Variants in EDEM2 observed in about 807,000 individuals in gnomAD.
EDEM2 encodes the protein ER degradation-enhancing alpha-mannosidase-like protein 2.
EDEM2 carries 39 observed loss-of-function variants against 64.8 expected under a neutral mutation model. That is an observed-to-expected ratio of 0.60 (90% CI 0.47 to 0.79). The LOEUF is 0.79. Among genes scored for constraint, EDEM2 ranks in the 30% least tolerant of loss-of-function variants. The probability of loss-of-function intolerance (pLI) is 0.00; values close to 1 mark genes in which losing one functional copy is unlikely to be tolerated. For synonymous variants in EDEM2, 296 were observed against 291.5 expected (o/e 1.02, Z -0.16); for missense variants, 609 against 731.3 (o/e 0.83, Z 1.93).
At chr20:35,130,827 G>A (rs1165236381) in intron 7 of EDEM2, among the ~76,000 whole-genome samples, 7 of 152,154 alleles carry the variant, frequency 4.6e-5, no homozygotes, top group South Asian at 2.1e-4. Context: ...AGGGCCTGGC[G>A]GGTAAGATGT....
At position 35,126,354 on chromosome 20, in the gene EDEM2, T is replaced by C. The variant is rs1412316973; in HGVS notation, c.866A>G (p.Asn289Ser). The part of the protein sequence containing the change: ...MFLEYNKAIR[N>S]YTRFDDWYLW... ...GTACCAGTCATCGAAGCGGGTGTAG[T>C]TCCGGATGGCTTTGTTATACTCTGC... The change falls in exon 8 of 11, where the codon AAC (asparagine) becomes AGC (serine). Residue 289 changes from asparagine (N) to serine (S), a missense_variant. By Grantham distance (46) the Asn-to-Ser change is conservative. Transcript: ENST00000374492. 1.9e-6 allele frequency: 3 copies of C among 1,613,640 alleles called. No individual in the cohort carries two copies. Among genetic ancestry groups the C allele is most frequent in the Non-Finnish European group, 2.5e-6 (3 of 1,179,948 alleles).
intron 4 of EDEM2, among the ~76,000 whole-genome samples, chr20:35,138,384 T>C (rs1162407155): frequency 6.6e-6 from 1 of 152,092 alleles, no homozygotes; most frequent in East Asian, 1.9e-4. Context: ...TTCCATGAGA[T>C]AAAGTGACTT....
intron 6 of EDEM2, among the ~76,000 whole-genome samples, chr20:35,132,888 T>G (rs556274997): frequency 6.6e-6 from 1 of 152,240 alleles, no homozygotes; most frequent in South Asian, 2.1e-4. Context: ...GCTGGTAACT[T>G]CATCTGGTAC....
chr20:35,146,863 CA>C lies in EDEM2; in HGVS notation c.179del (p.Leu60ArgfsTer17). On this transcript the variant is annotated frameshift_variant, in exon 2 of 11. Transcript: ENST00000374492. LOFTEE classifies it high-confidence loss of function. Reference sequence around the variant, plus strand: ...CGTGCCCGTCACAGGTGAGAGGTCGCAGCTCATCGAAGGGAAAGGCATTCTC... The same window carrying C: ...CGTGCCCGTCACAGGTGAGAGGTCGCGCTCATCGAAGGGAAAGGCATTCTC... ...YLENAFPFDE[L>X]RPLTCDGHDT... 6.2e-7 allele frequency: 1 copy of C among 1,614,158 alleles called. No individual in the cohort carries two copies.
At chr20:35,130,184 T>C (rs6060255) in intron 7 of EDEM2, among the ~76,000 whole-genome samples, 121,568 of 152,016 alleles carry the variant, frequency 0.8, 49,161 homozygotes, top group African/African-American at 0.9. Flanking sequence ...TCCTTCACCT[T>C]GGCCTCCCAA....
At chr20:35,145,768 G>C (rs1223441116) in intron 2 of EDEM2, among the ~76,000 whole-genome samples, 10 of 152,116 alleles carry the variant, frequency 6.6e-5, no homozygotes, top group Admixed American at 5.9e-4. Context: ...CCAGCACTTT[G>C]GGAGGCCTAG....
chr20:35,146,183 A>G (rs1184287598), intron 2 of EDEM2, among the ~76,000 whole-genome samples: 1 of 152,124 alleles, frequency 6.6e-6, no homozygotes, highest in African/African-American at 2.4e-5. Context: ...GGAGATATTT[A>G]TTGTATATAA....
At chr20:35,141,484 T>C (rs867257670) in intron 4 of EDEM2, among the ~76,000 whole-genome samples, 60 of 152,330 alleles carry the variant, frequency 3.9e-4, no homozygotes, top group Admixed American at 9.8e-4. Flanking sequence ...CAGGCCGGAT[T>C]CCTAAACCAG....
At chr20:35,116,698 C>T (rs754917356) in intron 10 of EDEM2, among the ~76,000 whole-genome samples, 11 of 152,160 alleles carry the variant, frequency 7.2e-5, no homozygotes, top group Non-Finnish European at 1.2e-4. Flanking sequence ...TAGAGCTAAT[C>T]GTCCCTTTTA....
chr20:35,119,544 G>GATTA (rs1321644477), intron 9 of EDEM2, among the ~76,000 whole-genome samples: 2 of 152,138 alleles, frequency 1.3e-5, no homozygotes, highest in African/African-American at 4.8e-5. Context: ...AGTGAGCCAT[G>GATTA]ATTAAGCCAC....
At chr20:35,126,967 T>C (rs1206730485) in intron 7 of EDEM2, among the ~76,000 whole-genome samples, 1 of 152,126 alleles carries the variant, frequency 6.6e-6, no homozygotes, top group Non-Finnish European at 1.5e-5. Flanking sequence ...CCCACCTAAA[T>C]CTCACCTTGA....
intron 9 of EDEM2, among the ~76,000 whole-genome samples, chr20:35,121,677 A>G (rs2085370901): frequency 6.6e-6 from 1 of 152,222 alleles, no homozygotes. Flanking sequence ...GACATATACG[A>G]AAGTACAGGG....
chr20:35,115,688 C>T lies in EDEM2; in HGVS notation c.1482G>A (p.Glu494=), dbSNP rs1198732570. The part of the protein sequence containing the change: ...ALHCCQRLKE[E]QWEVEDLMRE... ...TCATCAAGTCCTCCACCTCCCACTGCTCTTCCTTCAGCCTCTGGCAGCAGT... is the reference window on the plus strand; with the variant it reads ...TCATCAAGTCCTCCACCTCCCACTGTTCTTCCTTCAGCCTCTGGCAGCAGT... Residue 494 remains glutamate (E), a synonymous_variant, in exon 11 of 11, where the codon GAG becomes GAA. Coordinates refer to ENST00000374492, the MANE Select transcript of EDEM2 (RefSeq NM_018217.3). 1.2e-6 allele frequency: 2 copies of T among 1,614,234 alleles called. No individual in the cohort carries two copies. Among genetic ancestry groups the T allele is most frequent in the East Asian group, 4.5e-5 (2 of 44,890 alleles).
chr20:35,117,887 C>T (rs1190039648), intron 10 of EDEM2, among the ~76,000 whole-genome samples: 1 of 152,124 alleles, frequency 6.6e-6, no homozygotes, highest in East Asian at 1.9e-4. Context: ...CACTGCTCTG[C>T]TGTAAATCCT....
intron 9 of EDEM2, among the ~76,000 whole-genome samples, chr20:35,122,597 C>A (rs960748984): frequency 3.3e-5 from 5 of 152,148 alleles, no homozygotes; most frequent in African/African-American, 1.2e-4. Context: ...TGGTCTCAAA[C>A]TCCTGACTTC....
rs771325837 is a variant in EDEM2 at position 35,134,878 on chromosome 20, G to A, written c.562C>T (p.Pro188Ser). 3.5e-5 allele frequency: 56 copies of A among 1,614,072 alleles called. No individual in the cohort carries two copies. The highest frequency in any genetic ancestry group is 4.3e-5 in the Non-Finnish European group (51 of 1,180,048). The change falls in exon 6 of 11, where the codon CCT (proline) becomes TCT (serine). Residue 188 changes from proline to serine, a missense_variant. Pro to Ser is a moderately conservative substitution (Grantham distance 74, BLOSUM62 -1). Coordinates refer to ENST00000374492, the MANE Select transcript of EDEM2 (RefSeq NM_018217.3). Reference protein sequence around the residue: ...LLHGVNPGETPVTCTAGIGTF... With the variant: ...LLHGVNPGETSVTCTAGIGTF... ...CCAATCCCTGCCGTACAGGTGACAG[G>A]GGTCTCTCCTGGGTTCACGCCATGA...
chr20:35,135,414 G>A (rs1443602148), intron 5 of EDEM2, among the ~76,000 whole-genome samples: 1 of 152,164 alleles, frequency 6.6e-6, no homozygotes, highest in African/African-American at 2.4e-5. Context: ...ACTCTGGGTG[G>A]CCAAGGCAGG....
intron 9 of EDEM2, 72 bp downstream of exon 9, chr20:35,123,818 C>T: frequency 1.3e-6 from 2 of 1,558,430 alleles, no homozygotes; most frequent in South Asian, 2.4e-5. Context: ...GAGGATGGAG[C>T]CTTGTAGAGG....
At position 35,142,413 on chromosome 20, in the gene EDEM2, A is replaced by G. The variant is rs762505697; in HGVS notation, c.324T>C (p.Asp108=). The G allele has an allele frequency of 6.2e-7, 1 of 1,614,108 alleles. No homozygotes were observed. The highest frequency in any genetic ancestry group is 8.5e-7 in the Non-Finnish European group (1 of 1,180,012). The change falls in exon 4 of 11, where the codon GAT becomes GAC. Residue 108 remains aspartate, a synonymous_variant. Coordinates refer to ENST00000374492, the MANE Select transcript of EDEM2 (RefSeq NM_018217.3). The part of the protein sequence containing the change: ...VEVLQDSVDF[D]IDVNASVFET... ...CAAACACAGAGGCGTTCACATCAAT[A>G]TCAAAGTCCACGCTGTCCTGGAGCA...
Sources: allele counts gnomAD v4.1 joint callset (sites outside exome capture counted in the v4.1 genomes callset), GRCh38; gene constraint gnomAD v4.1.1; transcripts MANE v1.5; gene names NCBI Gene and HGNC (gene_info 2026-07-23, HGNC 2026-07-21).